Variants in RALGAPA2 observed in about 807,000 individuals in gnomAD.
RALGAPA2 encodes the protein Ral GTPase activating protein catalytic subunit alpha 2, also known as ral GTPase-activating protein subunit alpha-2.
RALGAPA2 carries 139 observed loss-of-function variants against 230.4 expected under a neutral mutation model. That is an observed-to-expected ratio of 0.60 (90% CI 0.53 to 0.69). The LOEUF (loss-of-function observed/expected upper bound fraction) is 0.69. RALGAPA2 is among the 30% of genes least tolerant of loss of function. The pLI is 0.00. For synonymous variants in RALGAPA2, 847 were observed against 837.8 expected (o/e 1.01, Z -0.19); for missense variants, 2,163 against 2,276.0 (o/e 0.95, Z 1.01).
intron 37 of RALGAPA2, among the ~76,000 whole-genome samples, chr20:20,455,321 C>T (rs1386967397): frequency 3.3e-5 from 5 of 152,242 alleles, no homozygotes; most frequent in African/African-American, 1.2e-4. Context: ...TCTGCTCTGG[C>T]AGAAGGCCGT....
intron 10 of RALGAPA2, among the ~76,000 whole-genome samples, chr20:20,628,416 C>T (rs1441039052): frequency 6.6e-6 from 1 of 152,188 alleles, no homozygotes; most frequent in Non-Finnish European, 1.5e-5. Flanking sequence ...CACATACCCA[C>T]CAATAGGCCA....
chr20:20,679,054 C>T (rs560412949), intron 2 of RALGAPA2, among the ~76,000 whole-genome samples: 5 of 152,196 alleles, frequency 3.3e-5, no homozygotes, highest in Non-Finnish European at 7.3e-5. Context: ...GACCATCACT[C>T]TCTTTCTCTG....
intron 1 of RALGAPA2, among the ~76,000 whole-genome samples, chr20:20,697,284 C>T (rs1338067838): frequency 6.6e-6 from 1 of 152,068 alleles, no homozygotes; most frequent in Non-Finnish European, 1.5e-5. Flanking sequence ...GAGCTGTGAT[C>T]ACACCACTGC....
intron 3 of RALGAPA2, among the ~76,000 whole-genome samples, chr20:20,662,355 A>C (rs1300206031): frequency 6.6e-6 from 1 of 152,244 alleles, no homozygotes; most frequent in African/African-American, 2.4e-5. Context: ...TCGAGTTAAA[A>C]AAACTGATTA....
chr20:20,627,826 G>C (rs1472990192), intron 10 of RALGAPA2, among the ~76,000 whole-genome samples: 1 of 152,176 alleles, frequency 6.6e-6, no homozygotes, highest in Non-Finnish European at 1.5e-5. Context: ...ATTTACAAGT[G>C]AGGTCCAGAC....
chr20:20,470,224 C>T (rs1026875422), intron 37 of RALGAPA2, among the ~76,000 whole-genome samples: 2 of 152,256 alleles, frequency 1.3e-5, no homozygotes, highest in East Asian at 3.9e-4. Flanking sequence ...TCCAGCAATG[C>T]CCCCATCCTT....
chr20:20,525,448 C>T (rs2063171559), intron 28 of RALGAPA2, among the ~76,000 whole-genome samples: 1 of 152,180 alleles, frequency 6.6e-6, no homozygotes, highest in Non-Finnish European at 1.5e-5. Flanking sequence ...TCACTTGTGC[C>T]TTTTAACGTG....
chr20:20,492,878 A>T (rs2062100185), intron 36 of RALGAPA2, among the ~76,000 whole-genome samples: 1 of 152,200 alleles, frequency 6.6e-6, no homozygotes, highest in African/African-American at 2.4e-5. Flanking sequence ...TTTGCAAATC[A>T]TTGCCTGGTT....
At chr20:20,438,516 C>T (rs542194461) in intron 37 of RALGAPA2, among the ~76,000 whole-genome samples, 1 of 152,282 alleles carries the variant, frequency 6.6e-6, no homozygotes, top group African/African-American at 2.4e-5. Flanking sequence ...TTTAGTGTCC[C>T]TGCTAAGTTC....
chr20:20,526,350 T>C lies in RALGAPA2; in HGVS notation c.3595A>G (p.Ile1199Val). 1 of 1,594,724 alleles carries C rather than the reference T, an allele frequency of 6.3e-7. No homozygotes were observed. Among genetic ancestry groups the C allele is most frequent in the Non-Finnish European group, 8.5e-7 (1 of 1,172,934 alleles). Reference sequence around the variant, plus strand: ...ACATCGCAAGCTACCTGGGCCACGATTTTGTTGGGAAACTATAAAAGGAAA... The same window carrying C: ...ACATCGCAAGCTACCTGGGCCACGACTTTGTTGGGAAACTATAAAAGGAAA... The part of the protein sequence containing the change: ...IGVTLKFPNK[I>V]VAQVACDVLQ... Residue 1199 changes from isoleucine (I) to valine (V), a missense_variant, in exon 28 of 40, where the codon ATC becomes GTC. Ile to Val is a conservative substitution (Grantham distance 29). Transcript: ENST00000202677.
chr20:20,657,190 G>A (rs2146640940), intron 3 of RALGAPA2, among the ~76,000 whole-genome samples: 1 of 152,314 alleles, frequency 6.6e-6, no homozygotes, highest in African/African-American at 2.4e-5. Flanking sequence ...AGATTAGACA[G>A]GGGAGCCTCA....
chr20:20,644,771 G>T (rs116743297), intron 4 of RALGAPA2, among the ~76,000 whole-genome samples: 5 of 152,168 alleles, frequency 3.3e-5, no homozygotes, highest in Admixed American at 1.3e-4. Context: ...CACAGCTAAG[G>T]TTCAAGTGTC....
At chr20:20,686,835 C>A (rs1046337252) in intron 1 of RALGAPA2, among the ~76,000 whole-genome samples, 4 of 152,186 alleles carry the variant, frequency 2.6e-5, no homozygotes, top group Non-Finnish European at 4.4e-5. Context: ...CTCACAAAAA[C>A]CTGCTTCAGC....
intron 38 of RALGAPA2, among the ~76,000 whole-genome samples, chr20:20,405,016 C>T (rs79356756): frequency 6.6e-6 from 1 of 152,236 alleles, no homozygotes; most frequent in African/African-American, 2.4e-5. Context: ...CTGCTCTTCT[C>T]ACATTTACTA....
intron 31 of RALGAPA2, among the ~76,000 whole-genome samples, chr20:20,515,809 C>G (rs1209351650): frequency 6.7e-6 from 1 of 149,952 alleles, no homozygotes; most frequent in Admixed American, 6.7e-5. Flanking sequence ...TAATCTCGAG[C>G]AGGGATAAAC....
chr20:20,594,335 G>C (rs2065383085), intron 16 of RALGAPA2, among the ~76,000 whole-genome samples: 1 of 151,800 alleles, frequency 6.6e-6, no homozygotes, highest in East Asian at 1.9e-4. Context: ...CCCTCTGCTG[G>C]CATTTTATTT....
chr20:20,487,876 C>T (rs2061952416), intron 36 of RALGAPA2, among the ~76,000 whole-genome samples: 1 of 150,762 alleles, frequency 6.6e-6, no homozygotes, highest in Non-Finnish European at 1.5e-5. Context: ...CGTGCCACTG[C>T]ACTCTAGCCT....
intron 20 of RALGAPA2, among the ~76,000 whole-genome samples, chr20:20,574,431 G>GAA (rs1488637159): frequency 6.6e-6 from 1 of 152,202 alleles, no homozygotes; most frequent in Non-Finnish European, 1.5e-5. Flanking sequence ...TGATTTACAT[G>GAA]TATATCTAAT....
rs868237697 is a variant in RALGAPA2, at chr20:20,512,238, C to T, written c.4856+275G>A. Among the ~76,000 whole-genome samples, 868 of 142,452 alleles carry T rather than the reference C, an allele frequency of 6.1e-3. 3 individuals carry two copies. The highest frequency in any genetic ancestry group is 0.021 in the African/African-American group (800 of 37,560). 93.5% of individuals were successfully genotyped at this position (142,452 alleles called of 152,430 possible). A position where few individuals can be genotyped will look rare whatever the true frequency, so the allele number is the denominator to read the frequency against. On this transcript the variant is annotated intron_variant, in intron 32 of 39. Coordinates refer to ENST00000202677, the MANE Select transcript of RALGAPA2 (RefSeq NM_020343.4). ...ACAACCCCCCCTACACACACACACA[C>T]ATACACACACACACACACACACACA...
Sources: allele counts gnomAD v4.1 joint callset (sites outside exome capture counted in the v4.1 genomes callset), GRCh38; gene constraint gnomAD v4.1.1; transcripts MANE v1.5; gene names NCBI Gene and HGNC (gene_info 2026-07-23, HGNC 2026-07-21).